PDLIM5: variants seen among roughly 807,000 people sequenced by gnomAD.
PDLIM5 encodes the protein PDZ and LIM domain protein 5.
A neutral mutation model predicts 64.2 loss-of-function variants in PDLIM5; 34 were observed. The observed-to-expected ratio is 0.53, with a 90% CI of 0.40 to 0.71. The LOEUF is 0.71. Ranked by LOEUF, PDLIM5 falls within the 30% of genes least tolerant of loss-of-function variation. The pLI, the probability that PDLIM5 is intolerant of heterozygous loss-of-function variation, is 0.00. For synonymous variants in PDLIM5, 253 were observed against 269.1 expected (o/e 0.94, Z 0.59); for missense variants, 683 against 733.6 (o/e 0.93, Z 0.80).
At chr4:94,611,792 A>G (rs1239960414) in intron 7 of PDLIM5, among the ~76,000 whole-genome samples, 3 of 152,236 alleles carry the variant, frequency 2.0e-5, no homozygotes, top group South Asian at 2.1e-4. Context: ...ACTGTATACA[A>G]TGATTTTTGA....
At chr4:94,587,387 A>G in intron 7 of PDLIM5, 1 of 1,104,072 alleles carries the variant, frequency 9.1e-7, no homozygotes, top group Non-Finnish European at 1.1e-6. Context: ...AATTATTTTC[A>G]TAAGTTGAAT....
chr4:94,494,985 C>A (rs1403006471), intron 2 of PDLIM5, among the ~76,000 whole-genome samples: 1 of 151,512 alleles, frequency 6.6e-6, no homozygotes, highest in African/African-American at 2.4e-5. Flanking sequence ...CCTGAGCAAT[C>A]CACCCACCTT....
intron 3 of PDLIM5, among the ~76,000 whole-genome samples, chr4:94,559,045 T>C (rs764587049): frequency 4.3e-4 from 66 of 152,312 alleles, no homozygotes; most frequent in Non-Finnish European, 8.2e-4. Flanking sequence ...ATAAGGATTT[T>C]GATTAGCCTA....
At chr4:94,644,260 G>GT (rs1315214933) in intron 9 of PDLIM5, among the ~76,000 whole-genome samples, 1 of 152,128 alleles carries the variant, frequency 6.6e-6, no homozygotes, top group Non-Finnish European at 1.5e-5. Context: ...GAGAAGTTAC[G>GT]TATTTGTTTG....
At position 94,625,738 on chromosome 4, in the gene PDLIM5, C is replaced by G. The variant is rs575927632; in HGVS notation, c.1108+7547C>G. On this transcript the variant is annotated intron_variant, in intron 8 of 12. Transcript: ENST00000317968. ...AAAGTGCTGGGATTACAGACGTGAG[C>G]CACTGCGCCCGGCCAATATTAGACA... Among the ~76,000 whole-genome samples, 5 of 152,278 alleles carry G rather than the reference C, an allele frequency of 3.3e-5. No individual in the cohort carries two copies. The South Asian group carries it at 1.0e-3, about 32-fold the overall frequency.
At chr4:94,459,118 A>T (rs1723643312) in intron 2 of PDLIM5, among the ~76,000 whole-genome samples, 1 of 152,000 alleles carries the variant, frequency 6.6e-6, no homozygotes, top group Non-Finnish European at 1.5e-5. Context: ...GAAATAGGAG[A>T]CTTGTTGGAT....
intron 1 of PDLIM5, among the ~76,000 whole-genome samples, chr4:94,454,592 A>G (rs1254805166): frequency 2.6e-5 from 4 of 152,248 alleles, no homozygotes; most frequent in Non-Finnish European, 5.9e-5. Context: ...TCACTGTACT[A>G]GAGTATTGCC....
At chr4:94,580,381 T>C (rs1735632196) in intron 5 of PDLIM5, among the ~76,000 whole-genome samples, 1 of 152,226 alleles carries the variant, frequency 6.6e-6, no homozygotes, top group South Asian at 2.1e-4. Flanking sequence ...TTCATTCCGA[T>C]GTAGTTGTGG....
intron 3 of PDLIM5, among the ~76,000 whole-genome samples, chr4:94,529,299 A>G (rs17314642): frequency 0.019 from 2,905 of 152,222 alleles, 44 homozygotes; most frequent in Non-Finnish European, 0.029. Context: ...CACTGTAGAA[A>G]CACTGGATGA....
intron 2 of PDLIM5, among the ~76,000 whole-genome samples, chr4:94,523,152 A>G (rs1402169390): frequency 6.6e-6 from 1 of 152,214 alleles, no homozygotes; most frequent in African/African-American, 2.4e-5. Context: ...CCCTTCTGCA[A>G]ATGCCTAGAG....
intron 7 of PDLIM5, among the ~76,000 whole-genome samples, chr4:94,591,668 G>T (rs949468774): frequency 6.6e-6 from 1 of 152,236 alleles, no homozygotes; most frequent in Non-Finnish European, 1.5e-5. Context: ...AACTTGGAGG[G>T]ACCATTCTAG....
intron 2 of PDLIM5, among the ~76,000 whole-genome samples, chr4:94,488,101 A>G (rs971525247): frequency 1.3e-5 from 2 of 152,138 alleles, no homozygotes; most frequent in African/African-American, 4.8e-5. Flanking sequence ...CTTTTGGTGA[A>G]TGCATCTTTC....
chr4:94,616,011 G>T (rs754211647), intron 7 of PDLIM5, among the ~76,000 whole-genome samples: 2 of 152,114 alleles, frequency 1.3e-5, no homozygotes, highest in Non-Finnish European at 2.9e-5. Flanking sequence ...AAGTCAGTTT[G>T]TCTGGCAGCT....
chr4:94,629,604 T>C (rs1268682881), intron 8 of PDLIM5, among the ~76,000 whole-genome samples: 1 of 152,206 alleles, frequency 6.6e-6, no homozygotes, highest in Non-Finnish European at 1.5e-5. Flanking sequence ...ACACTCACTT[T>C]AATTAAGATA....
intron 4 of PDLIM5, among the ~76,000 whole-genome samples, chr4:94,574,928 A>C (rs1735123454): frequency 1.3e-5 from 2 of 151,774 alleles, no homozygotes; most frequent in East Asian, 3.8e-4. Flanking sequence ...ATCTTAAAAC[A>C]TTCAGAGAGA....
chr4:94,665,743 A>G lies in PDLIM5; in HGVS notation c.*1676A>G. 8.2e-7 allele frequency: 1 copy of G among 1,225,924 alleles called. No homozygotes were observed. Among genetic ancestry groups the G allele is most frequent in the Non-Finnish European group, 1.0e-6 (1 of 982,770 alleles). 75.9% of individuals were successfully genotyped at this position (1,225,924 alleles called of 1,614,324 possible). ...AAAGATTGGTTTGAGGATGTGATGA[A>G]ATTGAGACTTTTTGTGGTTTTCTCT... is the stretch of plus-strand genomic sequence containing the variant. On this transcript the variant is annotated 3_prime_UTR_variant, in exon 13 of 13. Coordinates refer to ENST00000317968, the MANE Select transcript of PDLIM5 (RefSeq NM_006457.5).
rs547711245 is a variant in PDLIM5 at position 94,652,878 on chromosome 4, A to T, written c.1284-1582A>T. On this transcript the variant is annotated intron_variant, in intron 9 of 12. Coordinates refer to ENST00000317968, the MANE Select transcript of PDLIM5 (RefSeq NM_006457.5). ...CTTACACCCCACGTAAAAATTTTTA[A>T]TCACTCATCAAGAGCCTTTCTCCTT... Among the ~76,000 whole-genome samples the T allele has an allele frequency of 3.9e-5, 6 of 152,286 alleles. No individual in the cohort carries two copies. The South Asian group carries it at 1.2e-3, about 32-fold the overall frequency.
chr4:94,497,218 T>C (rs1022243830), intron 2 of PDLIM5, among the ~76,000 whole-genome samples: 3 of 152,220 alleles, frequency 2.0e-5, no homozygotes, highest in Admixed American at 2.0e-4. Flanking sequence ...TTAGCACTTT[T>C]CCTTGATGGC....
intron 2 of PDLIM5, among the ~76,000 whole-genome samples, chr4:94,475,724 C>T (rs1725264970): frequency 6.6e-6 from 1 of 151,948 alleles, no homozygotes; most frequent in African/African-American, 2.4e-5. Context: ...TTACTAACTA[C>T]ACATTTTAAA....
Sources: gnomAD v4.1 joint callset for allele counts (sites outside exome capture counted in the v4.1 genomes callset) on GRCh38, gnomAD v4.1.1 for gene constraint, MANE v1.5 for transcripts, NCBI Gene and HGNC (gene_info 2026-07-23, HGNC 2026-07-21) for gene names.